GLMN: variants seen among roughly 807,000 people sequenced by gnomAD.
The protein encoded by GLMN is glomulin, FKBP associated protein.
GLMN carries 75 observed loss-of-function variants against 87.8 expected under a neutral mutation model. The ratio of observed to expected loss-of-function variants is 0.85; its 90% CI spans 0.71 to 1.04. The LOEUF (loss-of-function observed/expected upper bound fraction) is 1.04. GLMN is among the 50% of genes least tolerant of loss of function. The probability of loss-of-function intolerance (pLI) is 0.00; values close to 1 mark genes in which losing one functional copy is unlikely to be tolerated. For synonymous variants in GLMN, 206 were observed against 221.6 expected (o/e 0.93, Z 0.63); for missense variants, 588 against 658.8 (o/e 0.89, Z 1.18).
chr1:92,337,885 A>C, the GLMN span, among the ~76,000 whole-genome samples: 3 of 152,186 alleles, frequency 2.0e-5, no homozygotes, highest in South Asian at 6.2e-4. Flanking sequence ...CATTTCTGCA[A>C]AGTTTGAGTT....
chr1:92,257,237 CAAAG>C (rs1263609884), intron 16 of GLMN, among the ~76,000 whole-genome samples: 2 of 152,096 alleles, frequency 1.3e-5, no homozygotes, highest in Non-Finnish European at 1.5e-5. Flanking sequence ...AACCACCACT[CAAAG>C]AAATAAGAGA....
chr1:92,259,816 G>C (rs1046480588), intron 16 of GLMN, among the ~76,000 whole-genome samples: 5 of 135,540 alleles, frequency 3.7e-5, no homozygotes, highest in Middle Eastern at 4.5e-3. Flanking sequence ...CTCACTGCAA[G>C]CTCCGCCTCC....
intron 3 of GLMN, among the ~76,000 whole-genome samples, chr1:92,292,622 A>C (rs946062178): frequency 4.6e-5 from 6 of 129,408 alleles, no homozygotes; most frequent in Admixed American, 1.6e-4. Context: ...ATGGGGTTTC[A>C]CCATGTTAGC....
chr1:92,283,009 G>A (rs1050259995), intron 7 of GLMN, among the ~76,000 whole-genome samples: 1 of 151,980 alleles, frequency 6.6e-6, no homozygotes, highest in African/African-American at 2.4e-5. Context: ...AAAAAAAGTC[G>A]AGGACCAGAC....
At chr1:92,334,741 C>G in the GLMN span, among the ~76,000 whole-genome samples, 1 of 152,188 alleles carries the variant, frequency 6.6e-6, no homozygotes, top group South Asian at 2.1e-4. Context: ...AATCCCAGCA[C>G]TTTGGGAGTC....
At chr1:92,277,893 G>A (rs763925484) in intron 7 of GLMN, among the ~76,000 whole-genome samples, 8 of 152,086 alleles carry the variant, frequency 5.3e-5, no homozygotes, top group Non-Finnish European at 1.2e-4. Context: ...CAAGGAGGGG[G>A]TCCTGGGAAT....
the GLMN span, among the ~76,000 whole-genome samples, chr1:92,343,348 C>T: frequency 6.6e-6 from 1 of 152,110 alleles, no homozygotes; most frequent in Non-Finnish European, 1.5e-5. Flanking sequence ...ATATTATTGT[C>T]CTTATTTTAC....
At chr1:92,254,966 T>C (rs538251606) in intron 16 of GLMN, among the ~76,000 whole-genome samples, 1 of 151,960 alleles carries the variant, frequency 6.6e-6, no homozygotes, top group East Asian at 1.9e-4. Context: ...GACTGGCAAA[T>C]TGAATAAAGA....
At chr1:92,247,621 C>T (rs887329463) in intron 17 of GLMN, among the ~76,000 whole-genome samples, 5 of 152,050 alleles carry the variant, frequency 3.3e-5, no homozygotes, top group South Asian at 4.1e-4. Context: ...GGTACCCAAA[C>T]GGAAATAGCT....
chr1:92,293,442 G>T (rs946922697), intron 3 of GLMN, among the ~76,000 whole-genome samples: 13 of 151,858 alleles, frequency 8.6e-5, no homozygotes, highest in African/African-American at 3.1e-4. Flanking sequence ...AGTAGCTGGG[G>T]CTACAGGTGC....
chr1:92,346,267 A>G, the GLMN span, among the ~76,000 whole-genome samples: 1 of 151,610 alleles, frequency 6.6e-6, no homozygotes, highest in African/African-American at 2.4e-5. Flanking sequence ...AGGCTCAAGC[A>G]ATTCTCCCAC....
chr1:92,280,202 G>C (rs3131831), intron 7 of GLMN, among the ~76,000 whole-genome samples: 130,917 of 152,250 alleles, frequency 0.86, 56,675 homozygotes, highest in East Asian at 1. Flanking sequence ...GGAAACACCT[G>C]CCAGTAGGGG....
the GLMN span, among the ~76,000 whole-genome samples, chr1:92,327,933 A>C: frequency 6.6e-6 from 1 of 152,218 alleles, no homozygotes. Flanking sequence ...CGCTGGATAC[A>C]AAATTCTTGG....
chr1:92,255,931 G>C (rs940479154), intron 16 of GLMN, among the ~76,000 whole-genome samples: 7 of 152,114 alleles, frequency 4.6e-5, no homozygotes, highest in African/African-American at 1.7e-4. Flanking sequence ...ACTGGAGATA[G>C]AGACGCAAAA....
At chr1:92,273,930 T>C (rs1445603637) in intron 7 of GLMN, among the ~76,000 whole-genome samples, 1 of 152,190 alleles carries the variant, frequency 6.6e-6, no homozygotes, top group Non-Finnish European at 1.5e-5. Flanking sequence ...TCAATATTCA[T>C]GGCAGCTTTT....
Position 92,261,473 on chromosome 1 carries a change from G to A in GLMN, c.1473+1390C>T, listed in dbSNP as rs138879015. Among the ~76,000 whole-genome samples the A allele has an allele frequency of 7.1e-3, 1,077 of 151,976 alleles. 30 individuals are homozygous for A. Among genetic ancestry groups the A allele is most frequent in the Admixed American group, 0.06 (912 of 15,264 alleles). ...TCCAGCCTGGGCAAGAGAACGAGAC[G>A]CTCTCTGAAGAATGAATGATATACA... On this transcript the variant is annotated intron_variant, in intron 16 of 18. Coordinates refer to ENST00000370360, the MANE Select transcript of GLMN (RefSeq NM_053274.3).
chr1:92,313,293 C>T, the GLMN span, among the ~76,000 whole-genome samples: 1 of 152,180 alleles, frequency 6.6e-6, no homozygotes, highest in East Asian at 1.9e-4. Context: ...TGTCTTAAGA[C>T]TTGAAAGTTG....
the GLMN span, among the ~76,000 whole-genome samples, chr1:92,305,927 A>AT: frequency 6.6e-5 from 10 of 152,202 alleles, no homozygotes; most frequent in African/African-American, 2.4e-4. Context: ...AAGCCTTTCT[A>AT]TTCCTTGGTA....
At chr1:92,291,814 C>T (rs1276871012) in intron 3 of GLMN, among the ~76,000 whole-genome samples, 1 of 152,186 alleles carries the variant, frequency 6.6e-6, no homozygotes, top group African/African-American at 2.4e-5. Context: ...GCCTCTATTT[C>T]CAACAAAAGA....
Sources: allele counts gnomAD v4.1 joint callset (sites outside exome capture counted in the v4.1 genomes callset), GRCh38; gene constraint gnomAD v4.1.1; transcripts MANE v1.5; gene names NCBI Gene and HGNC (gene_info 2026-07-23, HGNC 2026-07-21).